The following IMPDH1 variants were observed in gnomAD, a reference collection of about 807,000 sequenced individuals.
The protein encoded by IMPDH1 is inosine-5'-monophosphate dehydrogenase 1.
IMPDH1 carries 41 observed loss-of-function variants against 73.5 expected under a neutral mutation model. The ratio of observed to expected loss-of-function variants is 0.56; its 90% CI spans 0.43 to 0.72. The LOEUF (loss-of-function observed/expected upper bound fraction) is 0.72, where lower values mean the gene tolerates loss of function less well. IMPDH1 is among the 30% of genes least tolerant of loss of function. The pLI, the probability that IMPDH1 is intolerant of heterozygous loss-of-function variation, is 0.00. For missense variants in IMPDH1, 645 were observed against 824.8 expected, an observed-to-expected ratio of 0.78 and a Z score of 2.67; for synonymous variants, 318 against 334.3, an observed-to-expected ratio of 0.95 and a Z score of 0.53.
intron 5 of IMPDH1, among the ~76,000 whole-genome samples, chr7:128,402,409 G>GGA (rs1562996203): frequency 2.0e-5 from 3 of 152,098 alleles, no homozygotes; most frequent in African/African-American, 7.2e-5. Context: ...AGCTGGTAGG[G>GGA]GTCTTTTCAA....
intron 5 of IMPDH1, 29 bp downstream of exon 5, chr7:128,403,677 C>T (rs367976312): frequency 1.2e-6 from 2 of 1,604,042 alleles, no homozygotes; most frequent in Non-Finnish European, 1.7e-6. Context: ...ACACAGCCCC[C>T]TCCCCTTGTC....
In IMPDH1 at chr7:128,395,250, C is replaced by CGG; in HGVS notation, c.1285_1286insCC (p.Gly429AlafsTer20). 6.2e-7 allele frequency: 1 copy of CGG among 1,613,608 alleles called. No homozygotes were observed. Among genetic ancestry groups the CGG allele is most frequent in the Non-Finnish European group, 8.5e-7 (1 of 1,180,040 alleles). On this transcript the variant is annotated frameshift_variant, in exon 13 of 17. Coordinates refer to ENST00000338791, the MANE Select transcript of IMPDH1 (RefSeq NM_000883.4). LOFTEE classifies it high-confidence loss of function. ...CTCAGCCACCTTGTACACAGCAGTGCCCTGGGGCCGACCACAGGCCATCAC... is the reference window on the plus strand; with the variant it reads ...CTCAGCCACCTTGTACACAGCAGTGCGGCCTGGGGCCGACCACAGGCCATCAC...
rs1480970867 is a variant in IMPDH1, at chr7:128,395,222, ATACTCAGCCACCTTG to A, written c.1299_1313del (p.Lys434_Tyr438del). 6.2e-7 allele frequency: 1 copy of A among 1,613,774 alleles called. No homozygotes were observed. The highest frequency in any genetic ancestry group is 8.5e-7 in the Non-Finnish European group (1 of 1,180,050). ...TGATGGGCACACCAAAGCGCCGGGC[ATACTCAGCCACCTTG>A]TACACAGCAGTGCCCTGGGGCCGAC... On this transcript the variant is annotated inframe_deletion, in exon 13 of 17. Coordinates refer to ENST00000338791, the MANE Select transcript of IMPDH1 (RefSeq NM_000883.4).
Position 128,396,817 on chromosome 7 carries a change from G to A in IMPDH1, c.1165+115C>T, listed in dbSNP as rs1054151376. 4.4e-6 allele frequency: 5 copies of A among 1,133,508 alleles called. No individual in the cohort carries two copies. The African/African-American group carries it at 4.6e-5, about 10-fold the overall frequency. The allele number at this position is 1,133,508 out of a possible 1,614,324, so 70.2% of individuals were successfully genotyped here. ...CCCTACAGTGACCAAAGCCCATCATGCTCCCTGCCACCCATGCCAGGAGCC... is the reference window on the plus strand; with the variant it reads ...CCCTACAGTGACCAAAGCCCATCATACTCCCTGCCACCCATGCCAGGAGCC... On this transcript the variant is annotated intron_variant, in intron 11 of 16. Transcript: ENST00000338791. The surrounding 1 kb of genome is among the most constrained non-coding windows in gnomAD (Gnocchi z 4.0).
intron 9 of IMPDH1, 90 bp downstream of exon 9, chr7:128,400,005 C>T (rs1023385374): frequency 7.7e-6 from 8 of 1,037,540 alleles, no homozygotes; most frequent in Admixed American, 3.4e-5. Flanking sequence ...AGTCTGGTTG[C>T]TGGGATAACC....
At position 128,398,404 on chromosome 7, in the gene IMPDH1, G is replaced by A. The variant is rs1167899503; in HGVS notation, c.1074+10C>T. ...ATCCATCTCCCCCACCACTCAGGCG[G>A]GGGCCTTACCAAGACTATGACGTCG... is the stretch of plus-strand genomic sequence containing the variant. On this transcript the variant is annotated intron_variant, in intron 10 of 16. Coordinates refer to ENST00000338791, the MANE Select transcript of IMPDH1 (RefSeq NM_000883.4). This position sits in a 1 kb window ranked among gnomAD's most constrained non-coding sequence, Gnocchi z 4.3. The A allele has an allele frequency of 1.2e-6, 2 of 1,611,930 alleles. No homozygotes were observed. Among genetic ancestry groups the A allele is most frequent in the African/African-American group, 1.3e-5 (1 of 75,002 alleles).
At chr7:128,404,112 T>C (rs745968635) in intron 4 of IMPDH1, among the ~76,000 whole-genome samples, 62 of 152,094 alleles carry the variant, frequency 4.1e-4, no homozygotes, top group Non-Finnish European at 6.5e-4. Flanking sequence ...AACTTCTCAA[T>C]CTTGATGGGG....
intron 3 of IMPDH1, among the ~76,000 whole-genome samples, chr7:128,408,143 CT>C (rs1447276241): frequency 1.3e-5 from 2 of 152,190 alleles, no homozygotes; most frequent in African/African-American, 4.8e-5. Flanking sequence ...CTGTTGTTCC[CT>C]GAGACCCCCA....
At chr7:128,403,466 G>A (rs1216327329) in intron 5 of IMPDH1, among the ~76,000 whole-genome samples, 1 of 151,358 alleles carries the variant, frequency 6.6e-6, no homozygotes, top group Non-Finnish European at 1.5e-5. Flanking sequence ...GCTGAGGCAG[G>A]AGAATCACTT....
Position 128,409,471 on chromosome 7 carries a change from G to A in IMPDH1, c.160C>T (p.Leu54Phe), listed in dbSNP as rs1798993323. ...CGGGGTGTCGTCGGGTGTGTAGCGA[G>A]GTCCAATCTAGGGCTAAGATTTTAG... The part of the protein sequence containing the change: ...GYEPESPRLD[L>F]ATHPTTPRSE... Residue 54 changes from leucine (L) to phenylalanine (F), a missense_variant, in exon 2 of 17, where the codon CTC becomes TTC. Physicochemically the swap from Leu to Phe is conservative, Grantham distance 22 (BLOSUM62 0). This residue lies in a region of IMPDH1 where 186 missense variants were observed against 186.6 expected (regional missense o/e 1.00). Transcript: ENST00000338791. The A allele has an allele frequency of 6.2e-7, 1 of 1,614,084 alleles. No individual in the cohort carries two copies. The highest frequency in any genetic ancestry group is 8.5e-7 in the Non-Finnish European group (1 of 1,180,038).
At chr7:128,400,656 A>G (rs1317647910) in intron 7 of IMPDH1, 117 bp from the exon 8 acceptor site, 15 of 1,210,872 alleles carry the variant, frequency 1.2e-5, no homozygotes, top group South Asian at 8.6e-5. Flanking sequence ...CCTCAGTGGG[A>G]TGAGGAGCCA....
In IMPDH1 at chr7:128,409,269, G is replaced by C. The variant is rs764261327; in HGVS notation, c.254+20C>G. 7.5e-6 allele frequency: 12 copies of C among 1,606,584 alleles called. No individual in the cohort carries two copies. Among genetic ancestry groups the C allele is most frequent in the Non-Finnish European group, 1.0e-5 (12 of 1,174,232 alleles). ...CCTCTCAGATCTCAGTGCATGGTGA[G>C]GAGGGGAGAGTGTCCTCACCTAGCC... On this transcript the variant is annotated intron_variant, in intron 3 of 16. Coordinates refer to ENST00000338791, the MANE Select transcript of IMPDH1 (RefSeq NM_000883.4).
At chr7:128,404,583 A>T (rs1374418546) in intron 4 of IMPDH1, among the ~76,000 whole-genome samples, 3 of 152,062 alleles carry the variant, frequency 2.0e-5, no homozygotes, top group African/African-American at 7.2e-5. Flanking sequence ...AGCTAAGCAA[A>T]GCAGCAGGCA....
At chr7:128,399,255 A>G (rs1798147481) in intron 9 of IMPDH1, among the ~76,000 whole-genome samples, 1 of 151,140 alleles carries the variant, frequency 6.6e-6, no homozygotes, top group Admixed American at 6.6e-5. Context: ...TGTCCCAACT[A>G]CTCGGGAGGC....
At position 128,409,791 on chromosome 7, in the gene IMPDH1, G is replaced by A. The variant is rs544559881; in HGVS notation, c.111C>T (p.Ser37=). The A allele has an allele frequency of 1.3e-6, 2 of 1,505,114 alleles. No individual in the cohort carries two copies. The highest frequency in any genetic ancestry group is 2.7e-5 in the East Asian group (1 of 37,110). 93.2% of individuals were successfully genotyped at this position (1,505,114 alleles called of 1,614,324 possible). A position where few individuals can be genotyped will look rare whatever the true frequency, so the allele number is the denominator to read the frequency against. The change falls in exon 1 of 17, where the codon AGC becomes AGT. Residue 37 remains serine (S), a synonymous_variant. Coordinates refer to ENST00000338791, the MANE Select transcript of IMPDH1 (RefSeq NM_000883.4). Reference sequence around the variant, plus strand: ...CGTAGCCGGCCTGCAGCAGTCGGGCGCTGTACCGCTGCGCCGCCGTCTCGT... The same window carrying A: ...CGTAGCCGGCCTGCAGCAGTCGGGCACTGTACCGCTGCGCCGCCGTCTCGT... The part of the protein sequence containing the change: ...PGHETAAQRY[S]ARLLQAGYEP...
At chr7:128,404,047 C>T (rs1186924501) in intron 4 of IMPDH1, among the ~76,000 whole-genome samples, 2 of 152,220 alleles carry the variant, frequency 1.3e-5, no homozygotes, top group African/African-American at 4.8e-5. Flanking sequence ...GTTTGTCAAG[C>T]GACACAGAAG....
At chr7:128,405,322 GA>G (rs899129585) in intron 4 of IMPDH1, among the ~76,000 whole-genome samples, 1 of 152,190 alleles carries the variant, frequency 6.6e-6, no homozygotes, top group Non-Finnish European at 1.5e-5. Context: ...AGTTGGAAAA[GA>G]AGCCACCCCA....
chr7:128,405,973 C>A lies in IMPDH1; in HGVS notation c.255-108G>T, dbSNP rs867283671. ...CGCCGCGCCGCGGCCACGCTGCTGC[C>A]GCGGGCCGGGCGGGCCGGGGGCGGG... is the stretch of plus-strand genomic sequence containing the variant. On this transcript the variant is annotated intron_variant, in intron 3 of 16. Transcript: ENST00000338791. 1.2e-3 allele frequency: 1,166 copies of A among 962,444 alleles called. 13 individuals are homozygous for A. In the South Asian group the frequency reaches 0.029, roughly 24 times the overall value. The allele number at this position is 962,444 out of a possible 1,614,324, so 59.6% of individuals were successfully genotyped here.
intron 4 of IMPDH1, among the ~76,000 whole-genome samples, chr7:128,404,555 C>G (rs982234345): frequency 6.6e-6 from 1 of 152,158 alleles, no homozygotes; most frequent in African/African-American, 2.4e-5. Context: ...TCCCACACTT[C>G]AGGAACACTA....
Sources: allele counts gnomAD v4.1 joint callset (sites outside exome capture counted in the v4.1 genomes callset), GRCh38; gene constraint gnomAD v4.1.1; regional missense constraint gnomAD v4.1.1; non-coding constraint Gnocchi (gnomAD v3.1); transcripts MANE v1.5; gene names NCBI Gene and HGNC (gene_info 2026-07-23, HGNC 2026-07-21).